ATP2A1: variants seen among roughly 807,000 people sequenced by gnomAD.
ATP2A1 encodes ATPase sarcoplasmic/endoplasmic reticulum Ca2+ transporting 1.
In ATP2A1, 83 loss-of-function variants were observed where a neutral mutation model predicts 109.5. The ratio of observed to expected loss-of-function variants is 0.76; its 90% CI spans 0.63 to 0.91. ATP2A1 has a LOEUF of 0.91. Ranked by LOEUF, ATP2A1 falls within the 40% of genes least tolerant of loss-of-function variation. ATP2A1 has a pLI of 0.00. For missense variants in ATP2A1, 1,101 were observed against 1,341.0 expected (o/e 0.82, Z 2.80); for synonymous variants, 505 against 537.6 (o/e 0.94, Z 0.84).
At chr16:28,882,902 C>G (rs939164206) in intron 5 of ATP2A1, among the ~76,000 whole-genome samples, 6 of 152,240 alleles carry the variant, frequency 3.9e-5, no homozygotes, top group South Asian at 2.1e-4. Context: ...GTCTCCACCC[C>G]CTCCCGGGCC....
chr16:28,879,371 C>T (rs1490731220), intron 2 of ATP2A1, 130 bp from the exon 3 acceptor site: 2 of 969,880 alleles, frequency 2.1e-6, no homozygotes, highest in African/African-American at 1.6e-5. Context: ...CTTAGCCCTT[C>T]TCTGGGCACC....
At chr16:28,879,477 C>A (rs768506490) in intron 2 of ATP2A1, 24 bp from the exon 3 acceptor site, 3 of 1,608,572 alleles carry the variant, frequency 1.9e-6, no homozygotes, top group Non-Finnish European at 2.6e-6. Context: ...TAACCCGGGG[C>A]CCTCCCCTTG....
Position 28,894,142 on chromosome 16 carries a change from T to C in ATP2A1, c.1096-13T>C. On this transcript the variant is annotated splice_polypyrimidine_tract_variant and intron_variant, in intron 9 of 22. Transcript: ENST00000395503. ...GAGGTGGACATCTGTGTGCCTGCCC[T>C]TCTCCCCTGCAGATGTTTATCATTG... 1.9e-6 allele frequency: 3 copies of C among 1,612,372 alleles called. No homozygotes were observed. Among genetic ancestry groups the C allele is most frequent in the African/African-American group, 1.3e-5 (1 of 74,946 alleles).
rs1175854794 is a variant in ATP2A1, at chr16:28,893,147, G to A, written c.1096-1008G>A. Among the ~76,000 whole-genome samples the A allele has an allele frequency of 3.3e-5, 5 of 151,844 alleles. No homozygotes were observed. The South Asian group carries it at 1.0e-3, about 32-fold the overall frequency. ...GCCTGTACTCCCAGCACTTTGGGAG[G>A]CCAAGGCAGGAAGATCACTTGAGCC... On this transcript the variant is annotated intron_variant, in intron 9 of 22. Transcript: ENST00000395503.
chr16:28,893,234 AAAG>A (rs1215811924), intron 9 of ATP2A1, among the ~76,000 whole-genome samples: 13 of 151,204 alleles, frequency 8.6e-5, no homozygotes, highest in African/African-American at 3.2e-4. Flanking sequence ...AAAAAAAAAA[AAAG>A]AGAGAGAGAG....
intron 9 of ATP2A1, among the ~76,000 whole-genome samples, chr16:28,890,968 T>C (rs914248923): frequency 6.6e-6 from 1 of 151,210 alleles, no homozygotes; most frequent in Non-Finnish European, 1.5e-5. Flanking sequence ...ATTACAGGAG[T>C]GAGCCACTGC....
rs1421899162 is a variant in ATP2A1 at position 28,883,306 on chromosome 16, AC to A, written c.463+721del. ...CCCTGTAGCAGACATCCGAATCACC[AC>A]CCCAGGGAGCTTGGGCAGAGGGAGT... is the stretch of plus-strand genomic sequence containing the variant. On this transcript the variant is annotated intron_variant, in intron 5 of 22. Coordinates refer to ENST00000395503, the MANE Select transcript of ATP2A1 (RefSeq NM_004320.6). This position sits in a 1 kb window ranked among gnomAD's most constrained non-coding sequence, Gnocchi z 5.2. 7.9e-5 allele frequency among the ~76,000 whole-genome samples: 12 copies of A among 152,112 alleles called. No homozygotes were observed. Among genetic ancestry groups the A allele is most frequent in the African/African-American group, 1.4e-4 (6 of 41,424 alleles).
rs116630441 is a variant in ATP2A1 at position 28,902,467 on chromosome 16, G to A, written c.2524+81G>A. 727 of 1,568,692 alleles carry A rather than the reference G, an allele frequency of 4.6e-4. 7 individuals carry two copies. The African/African-American group carries it at 9.2e-3, about 20-fold the overall frequency. On this transcript the variant is annotated intron_variant, in intron 17 of 22. Transcript: ENST00000395503. This position sits in a 1 kb window ranked among gnomAD's most constrained non-coding sequence, Gnocchi z 4.8. ...GGGACACCAGCTCCCCCATGCAGGT[G>A]CTGAGAGGGTCTTCTTCCTTGGCCA...
rs769348729 is a variant in ATP2A1 at position 28,902,532 on chromosome 16, C to T, written c.2525-48C>T. The T allele has an allele frequency of 6.9e-6, 11 of 1,595,020 alleles. No individual in the cohort carries two copies. The Admixed American group carries it at 1.7e-4, about 24-fold the overall frequency. On this transcript the variant is annotated intron_variant, in intron 17 of 22. Transcript: ENST00000395503. This position sits in a 1 kb window ranked among gnomAD's most constrained non-coding sequence, Gnocchi z 4.8. Reference sequence around the variant, plus strand: ...ACATGAGGCCCTCAACCCTCGATGCCCCCTATCTCCCCAGCCCTGACCCCC... The same window carrying T: ...ACATGAGGCCCTCAACCCTCGATGCTCCCTATCTCCCCAGCCCTGACCCCC...
intron 9 of ATP2A1, among the ~76,000 whole-genome samples, chr16:28,889,940 G>A (rs1319648562): frequency 1.3e-5 from 2 of 152,132 alleles, no homozygotes; most frequent in African/African-American, 4.8e-5. Context: ...TCAGGAGTTC[G>A]AGATGAGCCT....
intron 14 of ATP2A1, among the ~76,000 whole-genome samples, chr16:28,899,919 A>G (rs974928780): frequency 1.3e-5 from 2 of 149,300 alleles, no homozygotes; most frequent in African/African-American, 2.5e-5. Context: ...AGATCATGCC[A>G]TTGCCACTGC....
Position 28,883,808 on chromosome 16 carries a change from C to T in ATP2A1, c.464-767C>T, listed in dbSNP as rs1412953203. ...CCCCCGCTTCTCTCCTGTCCCATCC[C>T]ATCCTGTCTTGTCCATGTCCCCAGC... On this transcript the variant is annotated intron_variant, in intron 5 of 22. Transcript: ENST00000395503. The surrounding 1 kb of genome is among the most constrained non-coding windows in gnomAD (Gnocchi z 5.2). 6.6e-6 allele frequency among the ~76,000 whole-genome samples: 1 copy of T among 152,116 alleles called. No homozygotes were observed. The highest frequency in any genetic ancestry group is 1.5e-5 in the Non-Finnish European group (1 of 68,016).
rs151309999 is a variant in ATP2A1, at chr16:28,900,625, G to A, written c.1809G>A (p.Pro603=). 16,321 of 1,593,278 alleles carry A rather than the reference G, an allele frequency of 0.01. 119 individuals are homozygous for A. The highest frequency in any genetic ancestry group is 0.012 in the Non-Finnish European group (13,732 of 1,167,194). ...FVGVVGMLDP[P]RKEVTGSIQL... ...GTGTAGTGGGCATGCTGGACCCTCC[G>A]CGCAAGGAGGTCACGGGCTCCATCC... Residue 603 remains proline, a synonymous_variant, in exon 15 of 23, where the codon CCG becomes CCA. Transcript: ENST00000395503.
chr16:28,891,506 T>C (rs539650619), intron 9 of ATP2A1, among the ~76,000 whole-genome samples: 1 of 147,054 alleles, frequency 6.8e-6, no homozygotes, highest in African/African-American at 2.6e-5. Context: ...GGCAGGAGAA[T>C]TGCTTGAACC....
In ATP2A1 at chr16:28,880,234, C is replaced by T. The variant is rs1963423630; in HGVS notation, c.219+651C>T. 6 of 685,774 alleles carry T rather than the reference C, an allele frequency of 8.7e-6. No homozygotes were observed. Among genetic ancestry groups the T allele is most frequent in the Non-Finnish European group, 1.1e-5 (6 of 552,292 alleles). 42.5% of individuals were successfully genotyped at this position (685,774 alleles called of 1,614,324 possible). On this transcript the variant is annotated intron_variant, in intron 3 of 22. Coordinates refer to ENST00000395503, the MANE Select transcript of ATP2A1 (RefSeq NM_004320.6). The surrounding 1 kb of genome is among the most constrained non-coding windows in gnomAD (Gnocchi z 4.2). Reference sequence around the variant, plus strand: ...CCGCCCTGGGGGCTACTCCCCATCCCGCGGTCCATCTGCATGTCGCGGGTT... The same window carrying T: ...CCGCCCTGGGGGCTACTCCCCATCCTGCGGTCCATCTGCATGTCGCGGGTT...
At position 28,901,879 on chromosome 16, in the gene ATP2A1, A is replaced by G. The variant is rs1459456917; in HGVS notation, c.2117A>G (p.Asn706Ser). ...CTCCCTCAGACAGGTGATGGCGTCA[A>G]TGACGCCCCTGCCCTGAAGAAGGCT... ...EITAMTGDGV[N>S]DAPALKKAEI... The change falls in exon 16 of 23, where the codon AAT (asparagine) becomes AGT (serine). Residue 706 changes from asparagine (N) to serine (S), a missense_variant. Transcript: ENST00000395503. 2.5e-6 allele frequency: 4 copies of G among 1,613,918 alleles called. No homozygotes were observed. The highest frequency in any genetic ancestry group is 2.5e-6 in the Non-Finnish European group (3 of 1,179,932).
rs575468030 is a variant in ATP2A1 at position 28,904,139 on chromosome 16, C to T, written c.*38-41C>T. The T allele has an allele frequency of 1.1e-5, 17 of 1,564,196 alleles. No homozygotes were observed. The South Asian group carries it at 1.9e-4, about 17-fold the overall frequency. On this transcript the variant is annotated intron_variant, in intron 22 of 22. Coordinates refer to ENST00000395503, the MANE Select transcript of ATP2A1 (RefSeq NM_004320.6). ...ATGCACCTGGGAGGGACCTCGCTGC[C>T]CTCCTGCCGCCTGCCTCATCCCTTC...
At chr16:28,892,112 G>A (rs909395278) in intron 9 of ATP2A1, among the ~76,000 whole-genome samples, 1 of 152,150 alleles carries the variant, frequency 6.6e-6, no homozygotes, top group African/African-American at 2.4e-5. Context: ...CATAAATTAT[G>A]CTATTTTGAG....
chr16:28,886,332 G>A (rs999887258), intron 6 of ATP2A1, among the ~76,000 whole-genome samples: 1 of 152,080 alleles, frequency 6.6e-6, no homozygotes, highest in African/African-American at 2.4e-5. Flanking sequence ...GCAAGACCCT[G>A]TCTCTGTAAA....
Sources: allele counts gnomAD v4.1 joint callset (sites outside exome capture counted in the v4.1 genomes callset), GRCh38; gene constraint gnomAD v4.1.1; non-coding constraint Gnocchi (gnomAD v3.1); transcripts MANE v1.5; gene names NCBI Gene and HGNC (gene_info 2026-07-23, HGNC 2026-07-21).